KIF21A: variants seen among roughly 807,000 people sequenced by gnomAD.
The protein encoded by KIF21A is kinesin family member 21A, also known as kinesin-like protein KIF21A.
Under a neutral mutation model 202.9 loss-of-function variants are expected in KIF21A, and 114 were observed. That is an observed-to-expected ratio of 0.56 (90% CI 0.48 to 0.66). The LOEUF is 0.66. KIF21A is among the 30% of genes least tolerant of loss of function. The pLI is 0.00. For synonymous variants in KIF21A, 667 were observed against 670.8 expected, an observed-to-expected ratio of 0.99 and a Z score of 0.09; for missense variants, 1,677 against 1,994.9, an observed-to-expected ratio of 0.84 and a Z score of 3.04.
intron 11 of KIF21A, among the ~76,000 whole-genome samples, chr12:39,349,003 G>C (rs73086865): frequency 2.8e-3 from 424 of 152,048 alleles, no homozygotes; most frequent in Non-Finnish European, 4.8e-3. Flanking sequence ...AAGGAGATCA[G>C]AGAAAAAAAT....
intron 31 of KIF21A, among the ~76,000 whole-genome samples, chr12:39,313,799 C>T (rs571636163): frequency 6.3e-4 from 95 of 151,922 alleles, no homozygotes; most frequent in Non-Finnish European, 1.2e-3. Context: ...AGACTTACTG[C>T]ATTCTATGTA....
chr12:39,388,833 C>A (rs1224161637), intron 1 of KIF21A, among the ~76,000 whole-genome samples: 2 of 152,160 alleles, frequency 1.3e-5, no homozygotes, highest in Non-Finnish European at 2.9e-5. Flanking sequence ...AAACCATTTA[C>A]TACCAGATAC....
intron 1 of KIF21A, among the ~76,000 whole-genome samples, chr12:39,409,389 C>CAA (rs146230839): frequency 3.1e-4 from 45 of 145,852 alleles, no homozygotes; most frequent in African/African-American, 7.0e-4. Context: ...ATTAAAAAAA[C>CAA]AAAAAAAAAG....
intron 1 of KIF21A, among the ~76,000 whole-genome samples, chr12:39,417,368 T>TATATATA (rs1953850731): frequency 6.6e-6 from 1 of 152,164 alleles, no homozygotes; most frequent in Non-Finnish European, 1.5e-5. Flanking sequence ...CATGATTATA[T>TATATATA]TTTCCAATAT....
At chr12:39,329,057 G>T (rs1379985405) in intron 24 of KIF21A, among the ~76,000 whole-genome samples, 2 of 152,188 alleles carry the variant, frequency 1.3e-5, no homozygotes, top group African/African-American at 4.8e-5. Context: ...CCAGCCCAAT[G>T]ATTGTGATAA....
Position 39,367,949 on chromosome 12 carries a change from A to G in KIF21A, c.534T>C (p.His178=), listed in dbSNP as rs752306637. Reference sequence around the variant, plus strand: ...TATAAATTCCTCCAGTTGAATCTTCATGAATTCTTATATTTGATTTTTTAC... The same window carrying G: ...TATAAATTCCTCCAGTTGAATCTTCGTGAATTCTTATATTTGATTTTTTAC... The part of the protein sequence containing the change: ...AKSKKSNIRI[H]EDSTGGIYTV... The change falls in exon 4 of 38, where the codon CAT becomes CAC. Residue 178 remains histidine (H), a synonymous_variant. Coordinates refer to ENST00000361418, the MANE Select transcript of KIF21A (RefSeq NM_001173464.2). 11 of 1,607,492 alleles carry G rather than the reference A, an allele frequency of 6.8e-6. No homozygotes were observed. Among genetic ancestry groups the G allele is most frequent in the African/African-American group, 5.3e-5 (4 of 74,834 alleles).
chr12:39,425,517 G>C (rs1205366463), intron 1 of KIF21A, among the ~76,000 whole-genome samples: 1 of 152,132 alleles, frequency 6.6e-6, no homozygotes, highest in Non-Finnish European at 1.5e-5. Flanking sequence ...GCCTATCCTT[G>C]CTTTTGAGTA....
rs925094009 is a variant in KIF21A, at chr12:39,326,447, G to A, written c.3341-123C>T. Reference sequence around the variant, plus strand: ...CAATATGGGCACGATGGTTTTAGTAGCTGAATCTAAATAGACAGAATTGTA... The same window carrying A: ...CAATATGGGCACGATGGTTTTAGTAACTGAATCTAAATAGACAGAATTGTA... On this transcript the variant is annotated intron_variant, in intron 24 of 37. Transcript: ENST00000361418. The A allele has an allele frequency of 1.9e-5, 14 of 719,280 alleles. No homozygotes were observed. The African/African-American group carries it at 2.4e-4, about 13-fold the overall frequency. The allele number at this position is 719,280 out of a possible 1,614,324, so 44.6% of individuals were successfully genotyped here.
Position 39,337,184 on chromosome 12 carries a change from A to T in KIF21A, c.2330T>A (p.Met777Lys). ...TCTGGCTTTCTCTTGTTCTTCTTTC[A>T]TTTGTTTCATTAGGCGAACCTAACC... ...KKTKVRLMKQ[M>K]KEEQEKARLT... The change falls in exon 17 of 38, where the codon ATG (methionine) becomes AAG (lysine). Residue 777 changes from methionine to lysine, a missense_variant. This residue lies in a region of KIF21A where 966 missense variants were observed against 1,180.9 expected (regional missense o/e 0.82). Coordinates refer to ENST00000361418, the MANE Select transcript of KIF21A (RefSeq NM_001173464.2). The T allele has an allele frequency of 6.2e-7, 1 of 1,611,234 alleles. No individual in the cohort carries two copies. The highest frequency in any genetic ancestry group is 8.5e-7 in the Non-Finnish European group (1 of 1,178,582).
At position 39,350,617 on chromosome 12, in the gene KIF21A, G is replaced by A. The variant is rs374894723; in HGVS notation, c.1673+1160C>T. On this transcript the variant is annotated intron_variant, in intron 11 of 37. Transcript: ENST00000361418. The stretch of plus-strand genomic sequence containing the variant: ...TTCAGTTTCAATTGCCCTCCATAAG[G>A]GAAGAGCTAATCATTATACATTTCT... Among the ~76,000 whole-genome samples, 23 of 152,054 alleles carry A rather than the reference G, an allele frequency of 1.5e-4. 1 individual carries two copies. The South Asian group carries it at 4.8e-3, about 31-fold the overall frequency.
At chr12:39,406,049 A>T (rs1952564231) in intron 1 of KIF21A, among the ~76,000 whole-genome samples, 1 of 152,136 alleles carries the variant, frequency 6.6e-6, no homozygotes. Flanking sequence ...AGCTTAGAAC[A>T]TTCAAAACAC....
chr12:39,434,215 A>G (rs1021048287), intron 1 of KIF21A, among the ~76,000 whole-genome samples: 1 of 152,202 alleles, frequency 6.6e-6, no homozygotes, highest in Admixed American at 6.5e-5. Flanking sequence ...GGCAGAAGGA[A>G]AGAGAGCATG....
At chr12:39,356,036 T>A (rs1177978910) in intron 10 of KIF21A, among the ~76,000 whole-genome samples, 1 of 152,100 alleles carries the variant, frequency 6.6e-6, no homozygotes, top group African/African-American at 2.4e-5. Context: ...AGAAGTGAGA[T>A]TTGAACTACT....
At chr12:39,338,895 G>T (rs1162327302) in intron 16 of KIF21A, among the ~76,000 whole-genome samples, 3 of 152,106 alleles carry the variant, frequency 2.0e-5, no homozygotes, top group Admixed American at 2.0e-4. Context: ...CTCAAGGCAG[G>T]GTTGCCACAA....
intron 1 of KIF21A, among the ~76,000 whole-genome samples, chr12:39,419,075 G>A (rs7957887): frequency 0.064 from 9,773 of 152,238 alleles, 1,063 homozygotes; most frequent in African/African-American, 0.22. Context: ...TATTTGTTAA[G>A]TGAATGAATA....
At chr12:39,364,923 G>T (rs568440476) in intron 6 of KIF21A, among the ~76,000 whole-genome samples, 2 of 152,192 alleles carry the variant, frequency 1.3e-5, no homozygotes, top group Non-Finnish European at 2.9e-5. Flanking sequence ...TAAGAGTCAT[G>T]CAGCTAGAGA....
rs1011412020 is a variant in KIF21A, at chr12:39,315,143, T to C, written c.3959+86A>G. 2.4e-5 allele frequency: 31 copies of C among 1,292,488 alleles called. No individual in the cohort carries two copies. The African/African-American group carries it at 4.4e-4, about 18-fold the overall frequency. 80.1% of individuals were successfully genotyped at this position (1,292,488 alleles called of 1,614,324 possible). A position where few individuals can be genotyped will look rare whatever the true frequency, so the allele number is the denominator to read the frequency against. On this transcript the variant is annotated intron_variant, in intron 31 of 37. Transcript: ENST00000361418. ...ACTTGATCTGAAGGAGAGAAAAAAA[T>C]AAACACTTATTTTTGTTCCATGCAA... is the stretch of plus-strand genomic sequence containing the variant.
At chr12:39,345,973 G>A (rs577419256) in intron 12 of KIF21A, among the ~76,000 whole-genome samples, 1 of 148,468 alleles carries the variant, frequency 6.7e-6, no homozygotes, top group East Asian at 1.9e-4. Context: ...GTTTCCTTTT[G>A]TTTGTTGTCA....
At chr12:39,326,396 C>G (rs1406833610) in intron 24 of KIF21A, 72 bp from the exon 25 acceptor site, 1 of 998,858 alleles carries the variant, frequency 1.0e-6, no homozygotes, top group African/African-American at 1.6e-5. Context: ...AATCCATAGG[C>G]TGTAATAAAC....
Sources: gnomAD v4.1 joint callset for allele counts (sites outside exome capture counted in the v4.1 genomes callset) on GRCh38, gnomAD v4.1.1 for gene constraint, gnomAD v4.1.1 regional missense constraint, MANE v1.5 for transcripts, NCBI Gene and HGNC (gene_info 2026-07-23, HGNC 2026-07-21) for gene names.